NKAIN2: variants seen among roughly 807,000 people sequenced by gnomAD.
NKAIN2 encodes sodium/potassium-transporting ATPase subunit beta-1-interacting protein 2.
A neutral mutation model predicts 32.6 loss-of-function variants in NKAIN2; 14 were observed. That is an observed-to-expected ratio of 0.43 (90% confidence interval 0.28 to 0.67). The LOEUF is 0.67. Among genes scored for constraint, NKAIN2 ranks in the 30% least tolerant of loss-of-function variants. The pLI, the probability that NKAIN2 is intolerant of heterozygous loss-of-function variation, is 0.17. For synonymous variants in NKAIN2, 80 were observed against 87.2 expected (o/e 0.92, Z 0.46); for missense variants, 198 against 258.3 (o/e 0.77, Z 1.60).
chr6:124,810,072 TG>T (rs1780813624), intron 5 of NKAIN2, among the ~76,000 whole-genome samples: 1 of 152,154 alleles, frequency 6.6e-6, no homozygotes, highest in African/African-American at 2.4e-5. Flanking sequence ...GAAGTCAGTG[TG>T]GCGATTCCTC....
At chr6:124,641,275 C>T (rs1401365141) in intron 3 of NKAIN2, among the ~76,000 whole-genome samples, 1 of 151,972 alleles carries the variant, frequency 6.6e-6, no homozygotes, top group Non-Finnish European at 1.5e-5. Flanking sequence ...ATATTTGTAG[C>T]AATACTCAGA....
intron 4 of NKAIN2, among the ~76,000 whole-genome samples, chr6:124,751,335 G>C (rs79720569): frequency 6.6e-6 from 1 of 151,892 alleles, no homozygotes; most frequent in African/African-American, 2.4e-5. Flanking sequence ...ACAGAGAAAT[G>C]ATTTACAAAT....
chr6:123,923,768 A>T (rs943882971), intron 1 of NKAIN2, among the ~76,000 whole-genome samples: 1 of 129,302 alleles, frequency 7.7e-6, no homozygotes, highest in Non-Finnish European at 1.6e-5. Context: ...AGGAAGGGGA[A>T]CATCACATTC....
intron 1 of NKAIN2, among the ~76,000 whole-genome samples, chr6:123,887,335 A>G (rs571676463): frequency 7.9e-5 from 12 of 152,244 alleles, no homozygotes; most frequent in African/African-American, 2.4e-4. Context: ...TAAGAGGCAT[A>G]CTTTTTCCAG....
chr6:123,883,880 G>A (rs1324118082), intron 1 of NKAIN2, among the ~76,000 whole-genome samples: 2 of 111,090 alleles, frequency 1.8e-5, no homozygotes, highest in African/African-American at 7.7e-5. Context: ...GGGCGACAGA[G>A]CGAGACTCTG....
chr6:124,069,338 T>C (rs1446614170), intron 1 of NKAIN2, among the ~76,000 whole-genome samples: 1 of 152,154 alleles, frequency 6.6e-6, no homozygotes, highest in African/African-American at 2.4e-5. Context: ...TAAAAATCCC[T>C]GATTTCAGGA....
chr6:124,760,820 C>T (rs923901957), intron 4 of NKAIN2, among the ~76,000 whole-genome samples: 1 of 152,108 alleles, frequency 6.6e-6, no homozygotes, highest in Non-Finnish European at 1.5e-5. Context: ...AATCTTGATC[C>T]TCCTATTTAG....
intron 1 of NKAIN2, among the ~76,000 whole-genome samples, chr6:123,890,073 A>G (rs1040210999): frequency 4.6e-5 from 7 of 152,036 alleles, no homozygotes; most frequent in Non-Finnish European, 8.8e-5. Flanking sequence ...GTCCCCTGCA[A>G]TGGTCACAGA....
In NKAIN2 at chr6:124,429,816, ACGTCCCTGGGCCT is replaced by A. The variant is rs1775136044; in HGVS notation, c.273+74470_273+74482del. ...GCTCCCCTTGCTGCCAGGTCTTTTC[ACGTCCCTGGGCCT>A]ATCCTGAATTGCTGGGGAGTCTGGC... On this transcript the variant is annotated intron_variant, in intron 3 of 6. Coordinates refer to ENST00000368417, the MANE Select transcript of NKAIN2 (RefSeq NM_001040214.3). Among the ~76,000 whole-genome samples the A allele has an allele frequency of 3.3e-5, 5 of 152,160 alleles. No individual in the cohort carries two copies. The South Asian group carries it at 1.0e-3, about 32-fold the overall frequency.
Position 124,089,030 on chromosome 6 carries a change from G to A in NKAIN2, c.55-193975G>A, listed in dbSNP as rs181532508. Among the ~76,000 whole-genome samples, 93 of 152,090 alleles carry A rather than the reference G, an allele frequency of 6.1e-4. 1 individual carries two copies. Among genetic ancestry groups the A allele is most frequent in the Admixed American group, 3.7e-3 (56 of 15,248 alleles). ...AATATCCTCTGCTTCCTCCAGAAAT[G>A]TTGTGCAAAACATGGCCAACATGGT... On this transcript the variant is annotated intron_variant, in intron 1 of 6. Coordinates refer to ENST00000368417, the MANE Select transcript of NKAIN2 (RefSeq NM_001040214.3).
intron 1 of NKAIN2, among the ~76,000 whole-genome samples, chr6:123,878,810 C>T (rs1773300924): frequency 1.3e-5 from 2 of 152,034 alleles, no homozygotes; most frequent in Admixed American, 6.6e-5. Flanking sequence ...ACTGCCTCTC[C>T]TTCGTTCTCC....
chr6:124,343,900 G>C (rs75198896), intron 2 of NKAIN2, among the ~76,000 whole-genome samples: 13,237 of 101,148 alleles, frequency 0.13, 1,298 homozygotes, highest in East Asian at 0.2. Flanking sequence ...ACATGAAGTC[G>C]TTGCACATGC....
intron 3 of NKAIN2, chr6:124,437,870 TG>T (rs780368328): frequency 7.9e-6 from 3 of 379,242 alleles, no homozygotes; most frequent in South Asian, 5.6e-5. Context: ...ACTGATCTAT[TG>T]ATTTTTTTTT....
At chr6:124,284,082 G>T (rs1393166894) in intron 2 of NKAIN2, among the ~76,000 whole-genome samples, 1 of 152,098 alleles carries the variant, frequency 6.6e-6, no homozygotes, top group Non-Finnish European at 1.5e-5. Context: ...GCAATGTGGT[G>T]GTGGCTGGAA....
At chr6:124,295,680 AAAG>A (rs1796017394) in intron 2 of NKAIN2, among the ~76,000 whole-genome samples, 2 of 152,178 alleles carry the variant, frequency 1.3e-5, no homozygotes, top group Non-Finnish European at 2.9e-5. Context: ...ATTAGGGTTG[AAAG>A]TGAATGGATT....
intron 3 of NKAIN2, chr6:124,390,781 T>G (rs1210606011): frequency 3.3e-5 from 5 of 151,674 alleles, no homozygotes; most frequent in Non-Finnish European, 7.4e-5. Flanking sequence ...AAACAGAGAG[T>G]GGAAGAAAGC....
chr6:124,506,071 C>G (rs1436111931), intron 3 of NKAIN2, among the ~76,000 whole-genome samples: 3 of 151,984 alleles, frequency 2.0e-5, no homozygotes, highest in Non-Finnish European at 2.9e-5. Flanking sequence ...GTCCCAGCTA[C>G]TCGGGATGCT....
chr6:124,299,539 G>T (rs528851672), intron 2 of NKAIN2, among the ~76,000 whole-genome samples: 1 of 152,106 alleles, frequency 6.6e-6, no homozygotes, highest in East Asian at 1.9e-4. Context: ...TGTTGTTATT[G>T]CAATAAGGAA....
At chr6:124,649,755 A>T (rs1381515735) in intron 3 of NKAIN2, among the ~76,000 whole-genome samples, 1 of 152,206 alleles carries the variant, frequency 6.6e-6, no homozygotes. Context: ...CAGAGAATGT[A>T]TAAAAAAAAT....
Sources: allele counts gnomAD v4.1 joint callset (sites outside exome capture counted in the v4.1 genomes callset), GRCh38; gene constraint gnomAD v4.1.1; transcripts MANE v1.5; gene names NCBI Gene and HGNC (gene_info 2026-07-23, HGNC 2026-07-21).